Variants in CAP2 observed in about 807,000 individuals in gnomAD.
CAP2 encodes adenylyl cyclase-associated protein 2.
A neutral mutation model predicts 57.7 loss-of-function variants in CAP2; 24 were observed. The observed-to-expected ratio is 0.42, with a 90% CI of 0.30 to 0.58. The LOEUF (loss-of-function observed/expected upper bound fraction) is 0.58. CAP2 is among the 20% of genes least tolerant of loss of function. The pLI, the probability that CAP2 is intolerant of heterozygous loss-of-function variation, is 0.22. For synonymous variants in CAP2, 194 were observed against 207.2 expected, an observed-to-expected ratio of 0.94 and a Z score of 0.55; for missense variants, 501 against 590.3, an observed-to-expected ratio of 0.85 and a Z score of 1.57.
intron 7 of CAP2, among the ~76,000 whole-genome samples, chr6:17,517,731 T>C (rs2113671789): frequency 6.6e-6 from 1 of 152,038 alleles, no homozygotes; most frequent in East Asian, 1.9e-4. Context: ...CAAAACACTG[T>C]CTCTACTAAA....
At chr6:17,505,101 G>C (rs1450162569) in intron 4 of CAP2, among the ~76,000 whole-genome samples, 1 of 152,140 alleles carries the variant, frequency 6.6e-6, no homozygotes, top group Non-Finnish European at 1.5e-5. Context: ...CCATGTGCCA[G>C]GGCTTTAAAA....
At chr6:17,432,846 T>C (rs868188897) in intron 3 of CAP2, among the ~76,000 whole-genome samples, 53 of 152,070 alleles carry the variant, frequency 3.5e-4, no homozygotes, top group African/African-American at 1.2e-3. Context: ...CCTTCTCTCC[T>C]TTTGTTTTTT....
At chr6:17,398,566 C>T (rs1174168135) in intron 1 of CAP2, among the ~76,000 whole-genome samples, 1 of 151,356 alleles carries the variant, frequency 6.6e-6, no homozygotes, top group Non-Finnish European at 1.5e-5. Context: ...GCTCTGTCGC[C>T]CAGGCTGGAG....
intron 11 of CAP2, among the ~76,000 whole-genome samples, chr6:17,548,513 A>G (rs531141108): frequency 6.6e-6 from 1 of 152,316 alleles, no homozygotes; most frequent in South Asian, 2.1e-4. Flanking sequence ...CAAAGAATGC[A>G]AGAGTGATGT....
chr6:17,402,906 C>T (rs1373964511), intron 1 of CAP2, among the ~76,000 whole-genome samples: 2 of 152,126 alleles, frequency 1.3e-5, no homozygotes, highest in African/African-American at 2.4e-5. Flanking sequence ...TTTTTCCTTA[C>T]ATTGACAATT....
At chr6:17,550,866 A>G (rs551923389) in intron 11 of CAP2, among the ~76,000 whole-genome samples, 1 of 152,294 alleles carries the variant, frequency 6.6e-6, no homozygotes, top group Admixed American at 6.5e-5. Context: ...AAATGAATAC[A>G]TTTCAAAATA....
chr6:17,493,328 T>TTAAGATATGATAGAGA (rs1236681133), intron 4 of CAP2: 5 of 283,532 alleles, frequency 1.8e-5, no homozygotes, highest in Admixed American at 1.1e-4. Flanking sequence ...CCTCAATTTG[T>TTAAGATATGATAGAGA]TAAGATATGA....
At chr6:17,551,375 A>C (rs1763167607) in intron 11 of CAP2, 89 bp from the exon 12 acceptor site, 4 of 1,133,550 alleles carry the variant, frequency 3.5e-6, no homozygotes, top group Admixed American at 2.2e-5. Flanking sequence ...GCCCAAGCTA[A>C]AGCCAAGAGG....
chr6:17,498,701 G>C (rs1167712340), intron 4 of CAP2, among the ~76,000 whole-genome samples: 1 of 151,952 alleles, frequency 6.6e-6, no homozygotes, highest in South Asian at 2.1e-4. Flanking sequence ...GTCTAAAATA[G>C]CTTGTTTTAT....
intron 1 of CAP2, among the ~76,000 whole-genome samples, chr6:17,395,530 T>A (rs779641290): frequency 3.3e-5 from 5 of 152,218 alleles, no homozygotes; most frequent in Non-Finnish European, 7.4e-5. Flanking sequence ...TCCCACTGAT[T>A]GATTCTGTGC....
intron 1 of CAP2, among the ~76,000 whole-genome samples, chr6:17,395,769 C>T (rs1023748260): frequency 3.3e-5 from 5 of 152,046 alleles, no homozygotes; most frequent in African/African-American, 4.8e-5. Flanking sequence ...TACGCTAAGT[C>T]TAGGTGAGTT....
chr6:17,495,786 A>C (rs1016174701), intron 4 of CAP2, among the ~76,000 whole-genome samples: 1 of 152,140 alleles, frequency 6.6e-6, no homozygotes, highest in African/African-American at 2.4e-5. Flanking sequence ...CTGCTTTTTC[A>C]CACAAGTTTA....
intron 3 of CAP2, among the ~76,000 whole-genome samples, chr6:17,460,110 A>G (rs1175678265): frequency 1.3e-5 from 2 of 152,248 alleles, no homozygotes; most frequent in African/African-American, 4.8e-5. Flanking sequence ...TCAATTTCCT[A>G]CAAGGGAGAA....
In CAP2 at chr6:17,557,454, C is replaced by T. The variant is rs895225810; in HGVS notation, c.*1012C>T. On this transcript the variant is annotated 3_prime_UTR_variant, in exon 13 of 13. Transcript: ENST00000229922. ...GTCTTGATAGTAGATGCTTCTTCAG[C>T]GTAAGAGTAGCTATGATATTCCTTT... 2 of 152,116 alleles carry T rather than the reference C, an allele frequency of 1.3e-5. No homozygotes were observed. The highest frequency in any genetic ancestry group is 4.8e-5 in the African/African-American group (2 of 41,418). The allele number at this position is 152,116 out of a possible 1,614,324, so 9.4% of individuals were successfully genotyped here. A position where few individuals can be genotyped will look rare whatever the true frequency, so the allele number is the denominator to read the frequency against.
intron 3 of CAP2, among the ~76,000 whole-genome samples, chr6:17,428,138 A>G (rs1759636870): frequency 6.6e-6 from 1 of 152,226 alleles, no homozygotes; most frequent in South Asian, 2.1e-4. Flanking sequence ...TATGTTAAGT[A>G]TATCTTACTA....
chr6:17,443,566 A>AACAC (rs1554123100), intron 3 of CAP2, among the ~76,000 whole-genome samples: 2 of 99,960 alleles, frequency 2.0e-5, no homozygotes, highest in Non-Finnish European at 1.9e-5. Flanking sequence ...ATTCCCACAA[A>AACAC]ACACACAGAC....
chr6:17,529,678 A>G (rs1166020262), intron 7 of CAP2, among the ~76,000 whole-genome samples: 1 of 150,142 alleles, frequency 6.7e-6, no homozygotes, highest in Non-Finnish European at 1.5e-5. Flanking sequence ...ATATGTATAA[A>G]CACACCCTAC....
intron 4 of CAP2, among the ~76,000 whole-genome samples, chr6:17,475,505 TAAATG>T (rs1761130710): frequency 6.6e-6 from 1 of 152,182 alleles, no homozygotes; most frequent in South Asian, 2.1e-4. Context: ...CCCCTTTTAC[TAAATG>T]AATGCCTTGG....
At chr6:17,410,619 A>G (rs1271003762) in intron 1 of CAP2, among the ~76,000 whole-genome samples, 1 of 150,904 alleles carries the variant, frequency 6.6e-6, no homozygotes, top group Admixed American at 6.6e-5. Flanking sequence ...GTGCAGTGGC[A>G]TGATCTCGGC....
Sources: gnomAD v4.1 joint callset for allele counts (sites outside exome capture counted in the v4.1 genomes callset) on GRCh38, gnomAD v4.1.1 for gene constraint, MANE v1.5 for transcripts, NCBI Gene and HGNC (gene_info 2026-07-23, HGNC 2026-07-21) for gene names.